Variants in ZBTB1 observed in about 807,000 individuals in gnomAD.
The protein encoded by ZBTB1 is zinc finger and BTB domain containing 1.
In ZBTB1, 13 loss-of-function variants were observed where a neutral mutation model predicts 51.6. The observed-to-expected ratio is 0.25, with a 90% CI of 0.16 to 0.40. The LOEUF (loss-of-function observed/expected upper bound fraction) is 0.40, where lower values mean the gene tolerates loss of function less well. Ranked by LOEUF, ZBTB1 falls within the 10% of genes least tolerant of loss-of-function variation. The pLI is 1.00. For synonymous variants in ZBTB1, 240 were observed against 282.2 expected (o/e 0.85, Z 1.50); for missense variants, 567 against 856.5 (o/e 0.66, Z 4.22).
At chr14:64,517,002 T>C (rs1208522092) in intron 1 of ZBTB1, among the ~76,000 whole-genome samples, 1 of 152,244 alleles carries the variant, frequency 6.6e-6, no homozygotes, top group African/African-American at 2.4e-5. Flanking sequence ...CTTTATATCA[T>C]TATTTCAAGC....
Position 64,524,597 on chromosome 14 carries a change from G to A in ZBTB1, c.*951G>A. The A allele has an allele frequency of 2.2e-5, 22 of 982,890 alleles. No homozygotes were observed. Among genetic ancestry groups the A allele is most frequent in the Non-Finnish European group, 2.7e-5 (22 of 827,704 alleles). 60.9% of individuals were successfully genotyped at this position (982,890 alleles called of 1,614,324 possible). ...TTCTGGAACTTTGAGATTTGAGAAA[G>A]CTTCCATGTATATTGATAAATCTAA... is the stretch of plus-strand genomic sequence containing the variant. On this transcript the variant is annotated 3_prime_UTR_variant, in exon 2 of 2. Coordinates refer to ENST00000683701, the MANE Select transcript of ZBTB1 (RefSeq NM_001123329.2).
Position 64,523,916 on chromosome 14 carries a change from A to G in ZBTB1, c.*270A>G. 8.9e-7 allele frequency: 1 copy of G among 1,119,596 alleles called. No individual in the cohort carries two copies. The allele number at this position is 1,119,596 out of a possible 1,614,324, so 69.4% of individuals were successfully genotyped here. A position where few individuals can be genotyped will look rare whatever the true frequency, so the allele number is the denominator to read the frequency against. On this transcript the variant is annotated 3_prime_UTR_variant, in exon 2 of 2. Coordinates refer to ENST00000683701, the MANE Select transcript of ZBTB1 (RefSeq NM_001123329.2). The surrounding 1 kb of genome is among the most constrained non-coding windows in gnomAD (Gnocchi z 4.5). ...TAAATGTAGACTACAAGTGGTTGTT[A>G]CCCATTCAATGACTATTAAACTTTA...
At chr14:64,506,221 G>A (rs2079652407) in intron 1 of ZBTB1, among the ~76,000 whole-genome samples, 1 of 152,058 alleles carries the variant, frequency 6.6e-6, no homozygotes, top group African/African-American at 2.4e-5. Flanking sequence ...CTAGAAAGGG[G>A]GTTCCTCCTC....
At chr14:64,510,066 T>C (rs2079709009) in intron 1 of ZBTB1, among the ~76,000 whole-genome samples, 1 of 152,180 alleles carries the variant, frequency 6.6e-6, no homozygotes, top group African/African-American at 2.4e-5. Flanking sequence ...TCACCAGTTA[T>C]TCATTCAGTA....
intron 1 of ZBTB1, 39 bp from the exon 2 acceptor site, chr14:64,521,448 C>G (rs1189305244): frequency 6.7e-7 from 1 of 1,488,770 alleles, no homozygotes; most frequent in African/African-American, 1.4e-5. Context: ...AAGTGCTTTT[C>G]TATATCTTGT....
chr14:64,524,842 G>GT lies in ZBTB1; in HGVS notation c.*1198dup. 2 of 984,548 alleles carry GT rather than the reference G, an allele frequency of 2.0e-6. No individual in the cohort carries two copies. Among genetic ancestry groups the GT allele is most frequent in the Non-Finnish European group, 2.4e-6 (2 of 829,246 alleles). 61.0% of individuals were successfully genotyped at this position (984,548 alleles called of 1,614,324 possible). A position where few individuals can be genotyped will look rare whatever the true frequency, so the allele number is the denominator to read the frequency against. On this transcript the variant is annotated 3_prime_UTR_variant, in exon 2 of 2. Coordinates refer to ENST00000683701, the MANE Select transcript of ZBTB1 (RefSeq NM_001123329.2). Reference sequence around the variant, plus strand: ...ATGGAAACAGTTTATCATTTTTTCAGTTAAAGTAGTAGTATTGTTAGTTGT... The same window carrying GT: ...ATGGAAACAGTTTATCATTTTTTCAGTTTAAAGTAGTAGTATTGTTAGTTGT...
chr14:64,509,704 G>T (rs897617051), intron 1 of ZBTB1, among the ~76,000 whole-genome samples: 1 of 151,788 alleles, frequency 6.6e-6, no homozygotes, highest in Non-Finnish European at 1.5e-5. Context: ...GTGTGTGGTG[G>T]CTCACGCTTG....
chr14:64,504,601 G>A, upstream of ZBTB1: 1 of 269,814 alleles, frequency 3.7e-6, no homozygotes, highest in Non-Finnish European at 7.0e-6. Context: ...ACAAACAGGC[G>A]ACCGCGGGTG....
At chr14:64,531,564 T>G (rs182377455) in intron 2 of ZBTB1, among the ~76,000 whole-genome samples, 1 of 152,338 alleles carries the variant, frequency 6.6e-6, no homozygotes, top group African/African-American at 2.4e-5. Context: ...ACTGCTTCCT[T>G]CCTCCCTACT....
In ZBTB1 at chr14:64,522,278, T is replaced by C; in HGVS notation, c.774T>C (p.Asp258=). ...ACCATAGAATAGTAGATATTAGAGA[T>C]GGAAAAGACAGTAACATCAAAGCTG... is the stretch of plus-strand genomic sequence containing the variant. ...RSYHRIVDIR[D]GKDSNIKAEF... The change falls in exon 2 of 2, where the codon GAT becomes GAC. Residue 258 remains aspartate, a synonymous_variant. Transcript: ENST00000683701. The C allele has an allele frequency of 6.2e-7, 1 of 1,614,152 alleles. No homozygotes were observed. The highest frequency in any genetic ancestry group is 8.5e-7 in the Non-Finnish European group (1 of 1,180,026).
chr14:64,504,183 G>C (rs760621197), upstream of ZBTB1: 1 of 152,588 alleles, frequency 6.6e-6, no homozygotes, highest in Non-Finnish European at 1.5e-5. Context: ...CCTGGGTGGA[G>C]AGGCGGACTG....
chr14:64,505,036 G>C (rs1049287519), intron 1 of ZBTB1, 90 bp downstream of exon 1: 3 of 379,384 alleles, frequency 7.9e-6, no homozygotes, highest in Non-Finnish European at 9.4e-6. Context: ...TGCGGGGCCG[G>C]AGGGGCGCCG....
intron 1 of ZBTB1, among the ~76,000 whole-genome samples, chr14:64,514,685 A>G (rs2079761485): frequency 1.3e-5 from 2 of 152,234 alleles, no homozygotes; most frequent in African/African-American, 4.8e-5. Context: ...ATAAAGCCAC[A>G]TTACAGATAA....
downstream of ZBTB1, among the ~76,000 whole-genome samples, chr14:64,527,179 G>C (rs2079909706): frequency 6.6e-6 from 1 of 151,988 alleles, no homozygotes; most frequent in African/African-American, 2.4e-5. Flanking sequence ...AAGTTTGCTA[G>C]AGCAGTCAGG....
At position 64,523,844 on chromosome 14, in the gene ZBTB1, A is replaced by AATAGAATTATTTGTTTTTAGTTTTTCTT; in HGVS notation, c.*200_*227dup. On this transcript the variant is annotated 3_prime_UTR_variant, in exon 2 of 2. Transcript: ENST00000683701. The surrounding 1 kb of genome is among the most constrained non-coding windows in gnomAD (Gnocchi z 4.5). ...ATGTTTATCATTTTTGTTGTTTCTTAATAGAATTATTTGTTTTTAGTTTTT... is the reference window on the plus strand; with the variant it reads ...ATGTTTATCATTTTTGTTGTTTCTTAATAGAATTATTTGTTTTTAGTTTTTCTTATAGAATTATTTGTTTTTAGTTTTT... 7 of 1,263,452 alleles carry AATAGAATTATTTGTTTTTAGTTTTTCTT rather than the reference A, an allele frequency of 5.5e-6. No individual in the cohort carries two copies. The highest frequency in any genetic ancestry group is 7.1e-6 in the Non-Finnish European group (7 of 988,898). 78.3% of individuals were successfully genotyped at this position (1,263,452 alleles called of 1,614,324 possible). A position where few individuals can be genotyped will look rare whatever the true frequency, so the allele number is the denominator to read the frequency against.
In ZBTB1 at chr14:64,523,014, T is replaced by G. The variant is rs767249481; in HGVS notation, c.1510T>G (p.Phe504Val). The G allele has an allele frequency of 6.2e-7, 1 of 1,614,174 alleles. No individual in the cohort carries two copies. The highest frequency in any genetic ancestry group is 2.2e-5 in the East Asian group (1 of 44,892). ...PDEQSEIRDM[F>V]VEMLDDFRDN... The stretch of plus-strand genomic sequence containing the variant: ...TGAGCAGTCCGAAATAAGAGATATG[T>G]TTGTTGAAATGCTGGATGATTTTAG... Residue 504 changes from phenylalanine (F) to valine (V), a missense_variant, in exon 2 of 2, where the codon TTT becomes GTT. Phe to Val is a conservative substitution (Grantham distance 50). Around this residue, in one of 5 missense-constraint regions of ZBTB1, gnomAD observed 329 missense variants for 406.3 expected, o/e 0.81. Coordinates refer to ENST00000683701, the MANE Select transcript of ZBTB1 (RefSeq NM_001123329.2). This position sits in a 1 kb window ranked among gnomAD's most constrained non-coding sequence, Gnocchi z 4.5.
At chr14:64,510,902 G>A (rs2079717825) in intron 1 of ZBTB1, among the ~76,000 whole-genome samples, 1 of 152,202 alleles carries the variant, frequency 6.6e-6, no homozygotes, top group African/African-American at 2.4e-5. Flanking sequence ...AATAACTCAG[G>A]AGTGATAACA....
chr14:64,517,345 A>G (rs984628260), intron 1 of ZBTB1, among the ~76,000 whole-genome samples: 8 of 152,188 alleles, frequency 5.3e-5, no homozygotes, highest in African/African-American at 1.9e-4. Context: ...TCCTAGGCCC[A>G]TGCTCTTTTC....
At chr14:64,513,107 C>G (rs2079742147) in intron 1 of ZBTB1, among the ~76,000 whole-genome samples, 1 of 152,202 alleles carries the variant, frequency 6.6e-6, no homozygotes, top group Non-Finnish European at 1.5e-5. Flanking sequence ...TATATGCATA[C>G]ATACACATAA....
Sources: allele counts gnomAD v4.1 joint callset (sites outside exome capture counted in the v4.1 genomes callset), GRCh38; gene constraint gnomAD v4.1.1; regional missense constraint gnomAD v4.1.1; non-coding constraint Gnocchi (gnomAD v3.1); transcripts MANE v1.5; gene names NCBI Gene and HGNC (gene_info 2026-07-23, HGNC 2026-07-21).